The following SYT10 variants were observed in gnomAD, a reference collection of about 807,000 sequenced individuals.
SYT10 encodes synaptotagmin-10.
A neutral mutation model predicts 51.1 loss-of-function variants in SYT10; 31 were observed. That is an observed-to-expected ratio of 0.61 (90% CI 0.46 to 0.82). The LOEUF is 0.82. SYT10 is among the 40% of genes least tolerant of loss of function. The pLI, the probability that SYT10 is intolerant of heterozygous loss-of-function variation, is 0.00. For synonymous variants in SYT10, 233 were observed against 225.9 expected (o/e 1.03, Z -0.28); for missense variants, 603 against 634.0 (o/e 0.95, Z 0.53).
chr12:33,419,935 T>C (rs1389555726), intron 2 of SYT10, among the ~76,000 whole-genome samples: 6 of 152,218 alleles, frequency 3.9e-5, no homozygotes, highest in African/African-American at 1.4e-4. Context: ...TAGTATTACT[T>C]GATTCCTAGA....
At chr12:33,429,682 G>A (rs1007857827) in intron 1 of SYT10, among the ~76,000 whole-genome samples, 1 of 152,146 alleles carries the variant, frequency 6.6e-6, no homozygotes, top group African/African-American at 2.4e-5. Flanking sequence ...CATACTTACT[G>A]AAAGAAAATT....
chr12:33,380,956 C>G (rs556845051), intron 5 of SYT10, among the ~76,000 whole-genome samples: 1 of 152,104 alleles, frequency 6.6e-6, no homozygotes, highest in African/African-American at 2.4e-5. Flanking sequence ...GTATTATTTT[C>G]TTTAATATGA....
intron 3 of SYT10, among the ~76,000 whole-genome samples, chr12:33,394,659 AT>A: frequency 6.6e-6 from 1 of 152,386 alleles, no homozygotes; most frequent in Non-Finnish European, 1.5e-5. Context: ...GGATGAAGAA[AT>A]AATTTCAGAA....
intron 1 of SYT10, among the ~76,000 whole-genome samples, chr12:33,435,800 T>C (rs1208719391): frequency 2.6e-5 from 4 of 152,206 alleles, no homozygotes; most frequent in Admixed American, 2.6e-4. Context: ...ATGTAATTCT[T>C]ATAATTTTAC....
At chr12:33,416,569 C>G (rs1006586294) in intron 2 of SYT10, among the ~76,000 whole-genome samples, 1 of 152,164 alleles carries the variant, frequency 6.6e-6, no homozygotes, top group African/African-American at 2.4e-5. Context: ...TTCCGACAAT[C>G]TAAGTGTTTC....
chr12:33,411,223 AT>A (rs1866401810), intron 2 of SYT10, among the ~76,000 whole-genome samples: 1 of 152,216 alleles, frequency 6.6e-6, no homozygotes, highest in Non-Finnish European at 1.5e-5. Flanking sequence ...CTAAATAACC[AT>A]ATAAAATATT....
intron 3 of SYT10, chr12:33,405,982 A>C (rs1866349506): frequency 6.6e-6 from 1 of 152,034 alleles, no homozygotes; most frequent in South Asian, 2.1e-4. Context: ...ATCATGCACT[A>C]AAACAAATAT....
intron 3 of SYT10, among the ~76,000 whole-genome samples, chr12:33,403,478 A>AC (rs1170035860): frequency 1.3e-5 from 2 of 150,686 alleles, no homozygotes; most frequent in Non-Finnish European, 3.0e-5. Context: ...CAGGTGATCC[A>AC]CCCCCCTCAG....
intron 2 of SYT10, among the ~76,000 whole-genome samples, 181 bp from the exon 3 acceptor site, chr12:33,407,537 CAA>C (rs1233264280): frequency 6.6e-6 from 1 of 152,174 alleles, no homozygotes; most frequent in Non-Finnish European, 1.5e-5. Flanking sequence ...GTACAATATT[CAA>C]AGAGAAGTCT....
At chr12:33,415,758 C>T (rs762287238) in intron 2 of SYT10, among the ~76,000 whole-genome samples, 13 of 152,104 alleles carry the variant, frequency 8.5e-5, no homozygotes, top group Non-Finnish European at 1.3e-4. Context: ...TATTTTCTCC[C>T]GTTCAATTTG....
At chr12:33,416,405 C>A (rs1866454182) in intron 2 of SYT10, among the ~76,000 whole-genome samples, 1 of 152,084 alleles carries the variant, frequency 6.6e-6, no homozygotes. Flanking sequence ...TTTTAAGCTA[C>A]CACACCCATC....
intron 1 of SYT10, among the ~76,000 whole-genome samples, chr12:33,427,145 C>T (rs1294607260): frequency 6.6e-6 from 1 of 152,036 alleles, no homozygotes; most frequent in Non-Finnish European, 1.5e-5. Context: ...ATGCTGACAT[C>T]CTAATCCCCA....
chr12:33,416,312 A>G lies in SYT10; in HGVS notation c.510-8956T>C, dbSNP rs569685983. Among the ~76,000 whole-genome samples the G allele has an allele frequency of 2.6e-5, 4 of 151,716 alleles. No homozygotes were observed. In the East Asian group the frequency reaches 7.8e-4, roughly 29 times the overall value. ...TGGCCAAACTGGCCTCCAAATCCTG[A>G]CCTTAGGCAATCCACCCACCTCAGC... On this transcript the variant is annotated intron_variant, in intron 2 of 6. Transcript: ENST00000228567.
At chr12:33,417,141 C>G (rs942598654) in intron 2 of SYT10, among the ~76,000 whole-genome samples, 4 of 152,034 alleles carry the variant, frequency 2.6e-5, no homozygotes, top group Non-Finnish European at 5.9e-5. Flanking sequence ...TTTGAATGTC[C>G]CCTCTAAAAC....
chr12:33,390,395 A>G (rs1165660229), intron 3 of SYT10, among the ~76,000 whole-genome samples: 2 of 152,170 alleles, frequency 1.3e-5, no homozygotes, highest in Non-Finnish European at 2.9e-5. Flanking sequence ...CTGGCTCGCT[A>G]AAATTCTCAA....
chr12:33,433,934 C>T (rs1866617177), intron 1 of SYT10, among the ~76,000 whole-genome samples: 1 of 152,202 alleles, frequency 6.6e-6, no homozygotes, highest in African/African-American at 2.4e-5. Flanking sequence ...CTATCTCCAT[C>T]ACTAACTAGT....
intron 3 of SYT10, among the ~76,000 whole-genome samples, chr12:33,391,804 GA>G (rs745357356): frequency 6.6e-6 from 1 of 152,112 alleles, no homozygotes; most frequent in Non-Finnish European, 1.5e-5. Flanking sequence ...ATCATAAGGT[GA>G]ATGTTCATAC....
chr12:33,389,100 G>A (rs1435016823), intron 3 of SYT10, among the ~76,000 whole-genome samples: 1 of 152,198 alleles, frequency 6.6e-6, no homozygotes, highest in African/African-American at 2.4e-5. Context: ...CTGTACGTGA[G>A]TACTATGATT....
intron 3 of SYT10, among the ~76,000 whole-genome samples, chr12:33,397,275 G>A (rs1866264599): frequency 6.6e-6 from 1 of 152,176 alleles, no homozygotes; most frequent in African/African-American, 2.4e-5. Flanking sequence ...TCACAGAGAT[G>A]TGAGCTGGGA....
Sources: allele counts gnomAD v4.1 joint callset (sites outside exome capture counted in the v4.1 genomes callset), GRCh38; gene constraint gnomAD v4.1.1; transcripts MANE v1.5; gene names NCBI Gene and HGNC (gene_info 2026-07-23, HGNC 2026-07-21).